SAMD4A: variants seen among roughly 807,000 people sequenced by gnomAD.
SAMD4A encodes protein Smaug homolog 1.
A neutral mutation model predicts 81.3 loss-of-function variants in SAMD4A; 33 were observed. The ratio of observed to expected loss-of-function variants is 0.41; its 90% CI spans 0.31 to 0.54. The LOEUF (loss-of-function observed/expected upper bound fraction) is 0.54, where lower values mean the gene tolerates loss of function less well. Ranked by LOEUF, SAMD4A falls within the 20% of genes least tolerant of loss-of-function variation. The pLI, the probability that SAMD4A is intolerant of heterozygous loss-of-function variation, is 0.37. For synonymous variants in SAMD4A, 389 were observed against 382.1 expected (o/e 1.02, Z -0.21); for missense variants, 854 against 951.1 (o/e 0.90, Z 1.34).
rs144352101 is a variant in SAMD4A at position 54,661,790 on chromosome 14, C to G, written c.197-40272C>G. Reference sequence around the variant, plus strand: ...TACTGGAGAAACACCTCTACATGGCCTGAAGCATCTCTGTTCTGAGGACAG... The same window carrying G: ...TACTGGAGAAACACCTCTACATGGCGTGAAGCATCTCTGTTCTGAGGACAG... On this transcript the variant is annotated intron_variant, in intron 2 of 12. Coordinates refer to ENST00000554335, the MANE Select transcript of SAMD4A (RefSeq NM_015589.6). 1.3e-3 allele frequency among the ~76,000 whole-genome samples: 202 copies of G among 152,316 alleles called. 5 individuals carry two copies. In the South Asian group the frequency reaches 0.022, roughly 17 times the overall value.
intron 11 of SAMD4A, among the ~76,000 whole-genome samples, chr14:54,777,834 G>A (rs891221589): frequency 6.6e-6 from 1 of 152,166 alleles, no homozygotes; most frequent in Non-Finnish European, 1.5e-5. Context: ...TTGTTTTAAA[G>A]CTCCTTTTCT....
chr14:54,606,327 A>G (rs2034204765), intron 2 of SAMD4A, among the ~76,000 whole-genome samples: 1 of 152,184 alleles, frequency 6.6e-6, no homozygotes, highest in African/African-American at 2.4e-5. Flanking sequence ...GCACCCTGCC[A>G]TCCTGATTGG....
At chr14:54,636,079 GAA>G (rs1179423797) in intron 2 of SAMD4A, among the ~76,000 whole-genome samples, 1 of 152,228 alleles carries the variant, frequency 6.6e-6, no homozygotes, top group East Asian at 1.9e-4. Context: ...TGGAAAAAAT[GAA>G]AAGTCAGGCA....
intron 3 of SAMD4A, among the ~76,000 whole-genome samples, chr14:54,717,223 C>T (rs1283788190): frequency 6.6e-6 from 1 of 151,932 alleles, no homozygotes; most frequent in Non-Finnish European, 1.5e-5. Context: ...GGAGGATTGC[C>T]TGAGTGCAGG....
chr14:54,695,953 G>GAAAAAA (rs35817270), intron 2 of SAMD4A, among the ~76,000 whole-genome samples: 186 of 77,146 alleles, frequency 2.4e-3, no homozygotes, highest in Non-Finnish European at 3.1e-3. Flanking sequence ...CTCCATCTCA[G>GAAAAAA]AAAAAAAAAA....
intron 5 of SAMD4A, among the ~76,000 whole-genome samples, chr14:54,751,037 A>G (rs1391823923): frequency 6.6e-6 from 1 of 152,142 alleles, no homozygotes; most frequent in Non-Finnish European, 1.5e-5. Flanking sequence ...TGAGGTGGGA[A>G]GATTGCTTGA....
chr14:54,574,686 T>C (rs1438199850), intron 2 of SAMD4A, among the ~76,000 whole-genome samples: 1 of 152,226 alleles, frequency 6.6e-6, no homozygotes, highest in Non-Finnish European at 1.5e-5. Flanking sequence ...ATTGTAAGAC[T>C]TAGTAATAGT....
chr14:54,705,164 A>G (rs1257961048), intron 3 of SAMD4A, among the ~76,000 whole-genome samples: 1 of 146,590 alleles, frequency 6.8e-6, no homozygotes, highest in Non-Finnish European at 1.5e-5. Flanking sequence ...AGCAACAGTA[A>G]GCACTCCAGG....
At chr14:54,597,700 C>T (rs2033949548) in intron 2 of SAMD4A, among the ~76,000 whole-genome samples, 1 of 150,862 alleles carries the variant, frequency 6.6e-6, no homozygotes, top group African/African-American at 2.4e-5. Flanking sequence ...AGCGATCCTC[C>T]CATTTCAGCC....
intron 3 of SAMD4A, among the ~76,000 whole-genome samples, chr14:54,719,720 G>A (rs1368955688): frequency 6.6e-6 from 1 of 152,170 alleles, no homozygotes; most frequent in East Asian, 1.9e-4. Context: ...CTACCTGTGT[G>A]ACCTTGGAGA....
intron 9 of SAMD4A, among the ~76,000 whole-genome samples, chr14:54,771,138 T>TG (rs1320667353): frequency 6.6e-6 from 1 of 152,202 alleles, no homozygotes; most frequent in Non-Finnish European, 1.5e-5. Context: ...TTAAGGGAGA[T>TG]AAGGCCAGTT....
chr14:54,609,989 C>T (rs1367346057), intron 2 of SAMD4A, among the ~76,000 whole-genome samples: 1 of 152,192 alleles, frequency 6.6e-6, no homozygotes, highest in African/African-American at 2.4e-5. Flanking sequence ...ATTAAATCAG[C>T]GTACCTCAGG....
chr14:54,753,554 G>A (rs1441288725), intron 6 of SAMD4A, among the ~76,000 whole-genome samples: 1 of 152,084 alleles, frequency 6.6e-6, no homozygotes, highest in African/African-American at 2.4e-5. Flanking sequence ...TTTTCAAAAT[G>A]GAGTCTCTTA....
Position 54,789,158 on chromosome 14 carries a change from T to G in SAMD4A, c.*214T>G. On this transcript the variant is annotated 3_prime_UTR_variant, in exon 13 of 13. Transcript: ENST00000554335. ...GTTATTTTGTCATTTGTTTCTGTCATGGGATGGTTTGGTGTGTGGGGTGGG... is the reference window on the plus strand; with the variant it reads ...GTTATTTTGTCATTTGTTTCTGTCAGGGGATGGTTTGGTGTGTGGGGTGGG... The G allele has an allele frequency of 2.4e-5, 11 of 457,484 alleles. No homozygotes were observed. The highest frequency in any genetic ancestry group is 4.6e-4 in the Middle Eastern group (1 of 2,184). The allele number at this position is 457,484 out of a possible 1,614,324, so 28.3% of individuals were successfully genotyped here.
chr14:54,662,533 C>T (rs932645661), intron 2 of SAMD4A, among the ~76,000 whole-genome samples: 7 of 151,934 alleles, frequency 4.6e-5, no homozygotes, highest in Non-Finnish European at 1.0e-4. Flanking sequence ...CCTCAGCCTC[C>T]CAAGTAACTG....
chr14:54,788,273 G>A (rs1437799089), intron 12 of SAMD4A, among the ~76,000 whole-genome samples: 1 of 152,208 alleles, frequency 6.6e-6, no homozygotes, highest in Non-Finnish European at 1.5e-5. Flanking sequence ...TCAGGGACGT[G>A]GGTTGAGAAG....
chr14:54,576,001 CTTTTTTTTTTTTTTTTTTTT>C (rs57819180), intron 2 of SAMD4A, among the ~76,000 whole-genome samples: 43 of 80,026 alleles, frequency 5.4e-4, no homozygotes, highest in African/African-American at 2.2e-3. Context: ...TTCTTTCTTT[CTTTTTTTTTTTTTTTTTTTT>C]TTTTTTTTTT....
chr14:54,669,682 A>G (rs1043258007), intron 2 of SAMD4A, among the ~76,000 whole-genome samples: 8 of 152,154 alleles, frequency 5.3e-5, no homozygotes, highest in African/African-American at 1.9e-4. Context: ...CCCACTAGGT[A>G]TTGCTGTTCC....
At chr14:54,669,445 C>CTTTTTTTTTT (rs11406251) in intron 2 of SAMD4A, among the ~76,000 whole-genome samples, 8 of 103,308 alleles carry the variant, frequency 7.7e-5, no homozygotes, top group African/African-American at 1.9e-4. Context: ...ACGCTTCTTT[C>CTTTTTTTTTT]TTTTTTTTTT....
Sources: allele counts gnomAD v4.1 joint callset (sites outside exome capture counted in the v4.1 genomes callset), GRCh38; gene constraint gnomAD v4.1.1; transcripts MANE v1.5; gene names NCBI Gene and HGNC (gene_info 2026-07-23, HGNC 2026-07-21).